SMYD3: variants seen among roughly 807,000 people sequenced by gnomAD.
The protein encoded by SMYD3 is histone-lysine N-methyltransferase SMYD3.
In SMYD3, 36 loss-of-function variants were observed where a neutral mutation model predicts 57.7. The ratio of observed to expected loss-of-function variants is 0.62; its 90% confidence interval spans 0.48 to 0.82. SMYD3 has a LOEUF of 0.82. Among genes scored for constraint, SMYD3 ranks in the 40% least tolerant of loss-of-function variants. The pLI is 0.00. For synonymous variants in SMYD3, 211 were observed against 195.0 expected (o/e 1.08, Z -0.68); for missense variants, 515 against 538.8 (o/e 0.96, Z 0.44).
intron 1 of SMYD3, among the ~76,000 whole-genome samples, chr1:246,396,708 T>C (rs536214779): frequency 1.9e-4 from 29 of 152,304 alleles, no homozygotes; most frequent in African/African-American, 7.0e-4. Flanking sequence ...GCTGTTCTTG[T>C]GACAGTACGT....
intron 10 of SMYD3, among the ~76,000 whole-genome samples, chr1:245,811,204 C>T (rs112828757): frequency 6.6e-6 from 1 of 152,138 alleles, no homozygotes; most frequent in South Asian, 2.1e-4. Flanking sequence ...AAACAGAGCG[C>T]TGAAGTGCAA....
chr1:246,378,898 T>A (rs2066339767), intron 1 of SMYD3, among the ~76,000 whole-genome samples: 1 of 130,120 alleles, frequency 7.7e-6, no homozygotes. Flanking sequence ...GCAATCTCCC[T>A]GTTTATAGCT....
chr1:245,927,931 C>A lies in SMYD3; in HGVS notation c.702G>T (p.Glu234Asp). ...RAVRDIEVGEELTICYLDMLM... is the reference protein window; with the variant it reads ...RAVRDIEVGEDLTICYLDMLM... ...GGCTGGGAAGCATGAGTTTCCTTAC[C>A]TCCTCTCCCACCTCGATGTCTCGGA... Residue 234 changes from glutamate (E) to aspartate (D), a missense_variant and splice_region_variant, in exon 7 of 12, where the codon GAG (glutamate) becomes GAT (aspartate). Transcript: ENST00000490107. 1 of 1,609,954 alleles carries A rather than the reference C, an allele frequency of 6.2e-7. No homozygotes were observed. Among genetic ancestry groups the A allele is most frequent in the South Asian group, 1.1e-5 (1 of 90,932 alleles).
chr1:246,236,031 T>C (rs2063508211), intron 5 of SMYD3, among the ~76,000 whole-genome samples: 1 of 152,102 alleles, frequency 6.6e-6, no homozygotes, highest in South Asian at 2.1e-4. Flanking sequence ...TATACATTCC[T>C]GAAAAATGTG....
chr1:246,379,004 C>T (rs1271841807), intron 1 of SMYD3, among the ~76,000 whole-genome samples: 1 of 141,670 alleles, frequency 7.1e-6, no homozygotes, highest in East Asian at 2.0e-4. Context: ...CATCTATTTC[C>T]CCCCAGAGAA....
At chr1:246,418,627 G>A (rs927951516) in intron 1 of SMYD3, among the ~76,000 whole-genome samples, 3 of 152,188 alleles carry the variant, frequency 2.0e-5, no homozygotes, top group Non-Finnish European at 2.9e-5. Flanking sequence ...TGGAGAATAA[G>A]TGCAAGGTTT....
At chr1:246,003,219 G>A (rs761132964) in intron 5 of SMYD3, among the ~76,000 whole-genome samples, 3 of 152,166 alleles carry the variant, frequency 2.0e-5, no homozygotes, top group Non-Finnish European at 4.4e-5. Flanking sequence ...ATTGTTCTGT[G>A]GGGCTCCAAT....
chr1:246,487,979 C>CCA (rs1488378750), intron 1 of SMYD3, among the ~76,000 whole-genome samples: 2 of 152,160 alleles, frequency 1.3e-5, no homozygotes, highest in Non-Finnish European at 1.5e-5. Flanking sequence ...CAGGTGTGAG[C>CCA]CACCACGCCT....
At chr1:246,361,598 T>G (rs1051589768) in intron 1 of SMYD3, among the ~76,000 whole-genome samples, 1 of 152,154 alleles carries the variant, frequency 6.6e-6, no homozygotes, top group Non-Finnish European at 1.5e-5. Context: ...ATATACACCA[T>G]GGAATAACAC....
intron 5 of SMYD3, among the ~76,000 whole-genome samples, chr1:246,147,048 G>T (rs2061856097): frequency 6.6e-6 from 1 of 152,196 alleles, no homozygotes; most frequent in African/African-American, 2.4e-5. Flanking sequence ...ATTCCCCCTC[G>T]CTTCTTGCGT....
intron 5 of SMYD3, among the ~76,000 whole-genome samples, chr1:246,289,559 T>C (rs1409626303): frequency 1.3e-5 from 2 of 151,200 alleles, no homozygotes; most frequent in African/African-American, 2.5e-5. Flanking sequence ...GTTTTAACTT[T>C]TCAAAAAATT....
chr1:246,078,385 C>T (rs2060581719), intron 5 of SMYD3, among the ~76,000 whole-genome samples: 1 of 152,088 alleles, frequency 6.6e-6, no homozygotes. Context: ...CCAACCAGGC[C>T]ACTTTTAGGC....
At chr1:246,126,292 A>G (rs952586900) in intron 5 of SMYD3, among the ~76,000 whole-genome samples, 1 of 152,220 alleles carries the variant, frequency 6.6e-6, no homozygotes, top group African/African-American at 2.4e-5. Flanking sequence ...GGCCTGCTAG[A>G]CAGGACAGCC....
intron 5 of SMYD3, among the ~76,000 whole-genome samples, chr1:246,138,767 C>G (rs2061706016): frequency 6.6e-6 from 1 of 151,982 alleles, no homozygotes; most frequent in Non-Finnish European, 1.5e-5. Flanking sequence ...TTGCACAGTA[C>G]CTAAATTTCT....
intron 10 of SMYD3, among the ~76,000 whole-genome samples, chr1:245,818,883 G>C (rs2049001533): frequency 1.4e-5 from 2 of 141,584 alleles, no homozygotes; most frequent in Admixed American, 7.1e-5. Flanking sequence ...GGAGCACCCA[G>C]ATTCATAAAG....
At chr1:246,254,399 T>A (rs1217991989) in intron 5 of SMYD3, among the ~76,000 whole-genome samples, 2 of 152,200 alleles carry the variant, frequency 1.3e-5, no homozygotes, top group East Asian at 3.8e-4. Flanking sequence ...GGGAGTCCTT[T>A]CCTCATTGCT....
intron 1 of SMYD3, among the ~76,000 whole-genome samples, chr1:246,499,344 C>T (rs2103076061): frequency 6.6e-6 from 1 of 151,570 alleles, no homozygotes; most frequent in African/African-American, 2.4e-5. Flanking sequence ...AAAATTGTTA[C>T]AACATAATAA....
chr1:245,807,216 C>T (rs1417751579), intron 10 of SMYD3, among the ~76,000 whole-genome samples: 1 of 152,132 alleles, frequency 6.6e-6, no homozygotes, highest in Non-Finnish European at 1.5e-5. Context: ...CAGGGCCACT[C>T]TCCTTACACA....
intron 5 of SMYD3, chr1:245,930,247 T>C: frequency 2.4e-6 from 1 of 422,988 alleles, no homozygotes; most frequent in Non-Finnish European, 4.5e-6. Flanking sequence ...TACAGTTACA[T>C]GAACTGTTCA....
Sources: allele counts gnomAD v4.1 joint callset (sites outside exome capture counted in the v4.1 genomes callset), GRCh38; gene constraint gnomAD v4.1.1; transcripts MANE v1.5; gene names NCBI Gene and HGNC (gene_info 2026-07-23, HGNC 2026-07-21).